Variants in SHROOM3 observed in about 807,000 individuals in gnomAD.
The protein encoded by SHROOM3 is shroom family member 3.
SHROOM3 carries 47 observed loss-of-function variants against 138.6 expected under a neutral mutation model. The observed-to-expected ratio is 0.34, with a 90% CI of 0.27 to 0.43. The LOEUF (loss-of-function observed/expected upper bound fraction) is 0.43, where lower values mean the gene tolerates loss of function less well. Among genes scored for constraint, SHROOM3 ranks in the 20% least tolerant of loss-of-function variants. The probability of loss-of-function intolerance (pLI) is 1.00; values close to 1 mark genes in which losing one functional copy is unlikely to be tolerated. For synonymous variants in SHROOM3, 1,062 were observed against 1,063.3 expected, an observed-to-expected ratio of 1.00 and a Z score of 0.02; for missense variants, 2,491 against 2,596.5, an observed-to-expected ratio of 0.96 and a Z score of 0.88.
At chr4:76,467,413 G>A (rs1483673551) in intron 1 of SHROOM3, among the ~76,000 whole-genome samples, 1 of 152,022 alleles carries the variant, frequency 6.6e-6, no homozygotes, top group Non-Finnish European at 1.5e-5. Flanking sequence ...GCCTGAAATC[G>A]CATGCGTTTG....
intron 2 of SHROOM3, among the ~76,000 whole-genome samples, chr4:76,610,411 G>C (rs986400026): frequency 6.6e-6 from 1 of 152,204 alleles, no homozygotes; most frequent in Non-Finnish European, 1.5e-5. Context: ...TTAGCAGACT[G>C]AGAGTTTTTC....
intron 2 of SHROOM3, among the ~76,000 whole-genome samples, chr4:76,640,591 T>C (rs1735639224): frequency 6.6e-6 from 1 of 152,172 alleles, no homozygotes; most frequent in South Asian, 2.1e-4. Flanking sequence ...GACCATAAAA[T>C]CAGAATTTTG....
intron 2 of SHROOM3, 182 bp from the exon 3 acceptor site, chr4:76,709,974 G>C (rs1720181487): frequency 4.7e-6 from 3 of 638,588 alleles, no homozygotes; most frequent in Non-Finnish European, 8.2e-6. Flanking sequence ...CTCAGTAGTG[G>C]ATTCGCCTTC....
intron 2 of SHROOM3, among the ~76,000 whole-genome samples, chr4:76,646,238 A>ATATATATG (rs1735817491): frequency 7.1e-6 from 1 of 141,512 alleles, no homozygotes; most frequent in South Asian, 2.2e-4. Flanking sequence ...ATATATATAT[A>ATATATATG]TATATATATA....
chr4:76,459,297 A>G (rs1560512469), intron 1 of SHROOM3, among the ~76,000 whole-genome samples: 1 of 152,246 alleles, frequency 6.6e-6, no homozygotes, highest in East Asian at 1.9e-4. Context: ...ATGCTTTGGG[A>G]GTTTTTAACG....
chr4:76,551,908 C>T (rs1312407440), intron 1 of SHROOM3, among the ~76,000 whole-genome samples: 3 of 151,486 alleles, frequency 2.0e-5, no homozygotes, highest in African/African-American at 4.8e-5. Context: ...GTCACCCAGG[C>T]TGGAGTGCAG....
At chr4:76,591,700 G>A (rs187064064) in intron 2 of SHROOM3, among the ~76,000 whole-genome samples, 103 of 136,138 alleles carry the variant, frequency 7.6e-4, no homozygotes, top group Non-Finnish European at 8.0e-4. Flanking sequence ...CAACCTACCC[G>A]GAAAGGGATA....
chr4:76,779,170 C>T lies in SHROOM3; in HGVS notation c.5984C>T (p.Pro1995Leu). The change falls in exon 11 of 11, where the codon CCA becomes CTA. Residue 1995 changes from proline to leucine, a missense_variant. Pro to Leu is a moderately conservative substitution (Grantham distance 98). Transcript: ENST00000296043. ...GGTATTTTCCCAACATTAACCTCTCCACTTTAACCTCTTCTAAAATACCCA... is the reference window on the plus strand; with the variant it reads ...GGTATTTTCCCAACATTAACCTCTCTACTTTAACCTCTTCTAAAATACCCA... ...FSGIFPTLTSPL is the reference protein window; with the variant it reads ...FSGIFPTLTSLL 1.9e-6 allele frequency: 3 copies of T among 1,601,912 alleles called. No individual in the cohort carries two copies. The highest frequency in any genetic ancestry group is 2.6e-6 in the Non-Finnish European group (3 of 1,173,404).
intron 1 of SHROOM3, among the ~76,000 whole-genome samples, chr4:76,543,777 G>A (rs1005090532): frequency 1.1e-4 from 16 of 152,164 alleles, no homozygotes; most frequent in Non-Finnish European, 2.1e-4. Context: ...CTACCCAACT[G>A]CAAGTGGCCC....
chr4:76,744,781 A>G (rs192816749), intron 5 of SHROOM3, among the ~76,000 whole-genome samples: 1 of 152,354 alleles, frequency 6.6e-6, no homozygotes, highest in East Asian at 1.9e-4. Context: ...GCTATCTCCA[A>G]CAAATGTTGC....
At chr4:76,550,417 C>T (rs981356632) in intron 1 of SHROOM3, among the ~76,000 whole-genome samples, 1 of 152,002 alleles carries the variant, frequency 6.6e-6, no homozygotes, top group African/African-American at 2.4e-5. Flanking sequence ...TGTCTTAAGA[C>T]AGAAACCATT....
In SHROOM3 at chr4:76,599,237, G is replaced by A. The variant is rs138707772; in HGVS notation, c.323+43474G>A. Among the ~76,000 whole-genome samples the A allele has an allele frequency of 4.3e-4, 66 of 152,250 alleles. No individual in the cohort carries two copies. The East Asian group carries it at 9.6e-3, about 22-fold the overall frequency. On this transcript the variant is annotated intron_variant, in intron 2 of 10. Coordinates refer to ENST00000296043, the MANE Select transcript of SHROOM3 (RefSeq NM_020859.4). ...AAGCGTTCTTTATATAATCACGGTG[G>A]TTAAAGAGTAAGAGGAGGGCTTCAG...
intron 4 of SHROOM3, among the ~76,000 whole-genome samples, chr4:76,737,151 A>G (rs923609356): frequency 6.6e-6 from 1 of 151,914 alleles, no homozygotes; most frequent in African/African-American, 2.4e-5. Context: ...CTTTTCCAGA[A>G]TGTCAGTCAT....
At chr4:76,620,070 C>CAAAAAAAAAAAAAAAAAAAAAAAA (rs68039696) in intron 2 of SHROOM3, among the ~76,000 whole-genome samples, 1 of 61,096 alleles carries the variant, frequency 1.6e-5, no homozygotes, top group Non-Finnish European at 3.2e-5. Context: ...GAATCTATCT[C>CAAAAAAAAAAAAAAAAAAAAAAAA]AAAAAAAAAA....
intron 2 of SHROOM3, among the ~76,000 whole-genome samples, chr4:76,670,107 G>C (rs1197082269): frequency 6.6e-6 from 1 of 152,110 alleles, no homozygotes; most frequent in Non-Finnish European, 1.5e-5. Flanking sequence ...AATTAACAAG[G>C]CCTCTGTCTG....
chr4:76,591,062 T>C (rs540796879), intron 2 of SHROOM3, among the ~76,000 whole-genome samples: 2 of 152,272 alleles, frequency 1.3e-5, no homozygotes, highest in East Asian at 3.9e-4. Context: ...ATTTTTTCAT[T>C]GATGAGACAT....
intron 1 of SHROOM3, among the ~76,000 whole-genome samples, chr4:76,499,473 G>A (rs1225259339): frequency 6.6e-6 from 1 of 152,146 alleles, no homozygotes; most frequent in African/African-American, 2.4e-5. Context: ...TCAACCAATG[G>A]CAAACTTGTT....
chr4:76,591,120 T>A (rs1734264737), intron 2 of SHROOM3, among the ~76,000 whole-genome samples: 2 of 152,202 alleles, frequency 1.3e-5, no homozygotes, highest in African/African-American at 4.8e-5. Context: ...GGATAGAAGA[T>A]ACTGTAAAAT....
At chr4:76,608,229 G>A (rs1245853451) in intron 2 of SHROOM3, among the ~76,000 whole-genome samples, 1 of 152,222 alleles carries the variant, frequency 6.6e-6, no homozygotes, top group African/African-American at 2.4e-5. Flanking sequence ...CCAAAGCACA[G>A]TTTTTAGCTC....
Sources: gnomAD v4.1 joint callset for allele counts (sites outside exome capture counted in the v4.1 genomes callset) on GRCh38, gnomAD v4.1.1 for gene constraint, MANE v1.5 for transcripts, NCBI Gene and HGNC (gene_info 2026-07-23, HGNC 2026-07-21) for gene names.